ISM2: variants seen among roughly 807,000 people sequenced by gnomAD.
The protein encoded by ISM2 is isthmin 2.
In ISM2, 50 loss-of-function variants were observed where a neutral mutation model predicts 58.0. The ratio of observed to expected loss-of-function variants is 0.86; its 90% CI spans 0.69 to 1.09. ISM2 has a LOEUF of 1.09. Among genes scored for constraint, ISM2 ranks in the 50% least tolerant of loss-of-function variants. The pLI, the probability that ISM2 is intolerant of heterozygous loss-of-function variation, is 0.00. For missense variants in ISM2, 723 were observed against 745.0 expected (o/e 0.97, Z 0.34); for synonymous variants, 303 against 312.4 (o/e 0.97, Z 0.32).
At chr14:77,496,788 C>T (rs2079244054) in intron 1 of ISM2, among the ~76,000 whole-genome samples, 1 of 98,328 alleles carries the variant, frequency 1.0e-5, no homozygotes, top group Non-Finnish European at 1.8e-5. Flanking sequence ...CAGAGTGAGA[C>T]TCCATCTCAG....
chr14:77,498,609 G>A (rs1304647332), intron 1 of ISM2, 44 bp downstream of exon 1: 2 of 1,405,802 alleles, frequency 1.4e-6, no homozygotes, highest in Admixed American at 3.1e-5. Context: ...CTGGGGAGGT[G>A]GGACCGACAG....
At chr14:77,489,593 G>C (rs1430905718) in intron 1 of ISM2, among the ~76,000 whole-genome samples, 1 of 151,972 alleles carries the variant, frequency 6.6e-6, no homozygotes, top group African/African-American at 2.4e-5. Context: ...GCCCAGACTG[G>C]CCTCGATATT....
At chr14:77,490,739 G>A (rs907825629) in intron 1 of ISM2, among the ~76,000 whole-genome samples, 4 of 152,208 alleles carry the variant, frequency 2.6e-5, no homozygotes, top group South Asian at 2.1e-4. Context: ...TTTGATCCTC[G>A]TAACAACCTG....
intron 1 of ISM2, among the ~76,000 whole-genome samples, chr14:77,497,262 G>A (rs1049221909): frequency 6.6e-6 from 1 of 151,618 alleles, no homozygotes; most frequent in African/African-American, 2.4e-5. Context: ...CAGCTACTTG[G>A]GAGGCTGAGG....
intron 1 of ISM2, among the ~76,000 whole-genome samples, chr14:77,489,458 T>A (rs941285538): frequency 6.6e-6 from 1 of 152,198 alleles, no homozygotes; most frequent in South Asian, 2.1e-4. Context: ...ACAATAGCAA[T>A]TGACTCTTTA....
Position 77,482,442 on chromosome 14 carries a change from G to C in ISM2, c.853C>G (p.Gln285Glu), listed in dbSNP as rs751383657. 1.2e-6 allele frequency: 2 copies of C among 1,614,126 alleles called. No individual in the cohort carries two copies. Reference protein sequence around the residue: ...YPSEDIEGEDQEDKEEDEEEQ... With the variant: ...YPSEDIEGEDEEDKEEDEEEQ... ...TCCTCATCTTCCTCTTTGTCCTCTTGATCCTCACCCTCGATATCCTCTGAA... is the reference window on the plus strand; with the variant it reads ...TCCTCATCTTCCTCTTTGTCCTCTTCATCCTCACCCTCGATATCCTCTGAA... Residue 285 changes from glutamine to glutamate, a missense_variant, in exon 4 of 7, where the codon CAA (glutamine) becomes GAA (glutamate). Transcript: ENST00000342219.
chr14:77,478,264 A>G lies in ISM2; in HGVS notation c.1176T>C (p.Asn392=). 1 of 1,614,182 alleles carries G rather than the reference A, an allele frequency of 6.2e-7. No homozygotes were observed. Among genetic ancestry groups the G allele is most frequent in the Non-Finnish European group, 8.5e-7 (1 of 1,180,020 alleles). ...CACCTTGATCATGCATGTCCGTAGC[A>G]TTGCGGGCCAGGAGCTTCCACTCCT... ...PSEEWKLLAR[N]ATDMHDQDVD... is the part of the protein sequence containing the mutation. Residue 392 remains asparagine (N), a synonymous_variant, in exon 6 of 7, where the codon AAT becomes AAC. Coordinates refer to ENST00000342219, the MANE Select transcript of ISM2 (RefSeq NM_199296.3).
At chr14:77,495,217 G>C (rs1373668542) in intron 1 of ISM2, among the ~76,000 whole-genome samples, 1 of 152,058 alleles carries the variant, frequency 6.6e-6, no homozygotes, top group Non-Finnish European at 1.5e-5. Flanking sequence ...GAAATCATCC[G>C]AGGTGAGTCA....
At chr14:77,483,560 AAAG>A (rs951026609) in intron 3 of ISM2, among the ~76,000 whole-genome samples, 1 of 151,528 alleles carries the variant, frequency 6.6e-6, no homozygotes, top group African/African-American at 2.4e-5. Flanking sequence ...AAAAAAAAAA[AAAG>A]AAAGAAAAAA....
intron 1 of ISM2, among the ~76,000 whole-genome samples, chr14:77,486,885 C>T (rs2079171246): frequency 1.3e-5 from 2 of 151,396 alleles, no homozygotes; most frequent in South Asian, 4.2e-4. Context: ...ACATAGCCTG[C>T]AGTGCACAAG....
chr14:77,492,248 CTGCCAGGGAGGTGGTGGG>C (rs2079210048), intron 1 of ISM2, among the ~76,000 whole-genome samples: 2 of 152,194 alleles, frequency 1.3e-5, no homozygotes, highest in African/African-American at 4.8e-5. Flanking sequence ...CTTCCCTTGC[CTGCCAGGGAGGTGGTGGG>C]TGCCAGGTTT....
At chr14:77,482,945 G>A (rs1464265856) in intron 3 of ISM2, 4 of 341,630 alleles carry the variant, frequency 1.2e-5, no homozygotes, top group Admixed American at 4.7e-5. Flanking sequence ...CAGGTATGGC[G>A]GTTCTAACAC....
chr14:77,498,492 C>T (rs1429841630), intron 1 of ISM2, 161 bp downstream of exon 1: 4 of 1,225,226 alleles, frequency 3.3e-6, no homozygotes, highest in Non-Finnish European at 4.5e-6. Context: ...ACCTGGGCAA[C>T]GCCCGGTGTC....
Position 77,475,799 on chromosome 14 carries a change from G to T in ISM2, c.1512C>A (p.Gly504=). The T allele has an allele frequency of 6.2e-7, 1 of 1,613,336 alleles. No individual in the cohort carries two copies. The highest frequency in any genetic ancestry group is 8.5e-7 in the Non-Finnish European group (1 of 1,179,844). Residue 504 remains glycine (G), a synonymous_variant, in exon 7 of 7, where the codon GGC becomes GGA. Coordinates refer to ENST00000342219, the MANE Select transcript of ISM2 (RefSeq NM_199296.3). The surrounding 1 kb of genome is among the most constrained non-coding windows in gnomAD (Gnocchi z 4.1). ...YDEDSRLLTR[G]KGAGMPNLIS... ...TGAGGTTGGGCATGCCGGCGCCCTTGCCACGGGTCAGCAGCCGGCTGTCCT... is the reference window on the plus strand; with the variant it reads ...TGAGGTTGGGCATGCCGGCGCCCTTTCCACGGGTCAGCAGCCGGCTGTCCT...
At chr14:77,495,488 G>A (rs1294001918) in intron 1 of ISM2, among the ~76,000 whole-genome samples, 1 of 152,216 alleles carries the variant, frequency 6.6e-6, no homozygotes, top group East Asian at 1.9e-4. Context: ...TGCCAAGTGA[G>A]CAGAAACAAT....
At chr14:77,478,940 G>A (rs1389312982) in intron 4 of ISM2, among the ~76,000 whole-genome samples, 2 of 152,206 alleles carry the variant, frequency 1.3e-5, no homozygotes, top group Non-Finnish European at 2.9e-5. Flanking sequence ...TGAAAAGACA[G>A]TATAACGCCT....
At chr14:77,479,361 A>T (rs1409590201) in intron 4 of ISM2, among the ~76,000 whole-genome samples, 2 of 146,844 alleles carry the variant, frequency 1.4e-5, no homozygotes, top group Admixed American at 6.8e-5. Context: ...TGGAATTACA[A>T]GCATGCGCCA....
chr14:77,486,534 C>T (rs1324194952), intron 1 of ISM2, among the ~76,000 whole-genome samples: 3 of 152,224 alleles, frequency 2.0e-5, no homozygotes, highest in Non-Finnish European at 1.5e-5. Flanking sequence ...ATGAGGGAGG[C>T]CTGGAGCATC....
At position 77,484,239 on chromosome 14, in the gene ISM2, G is replaced by C. The variant is rs1203881744; in HGVS notation, c.627+84C>G. 11 of 1,526,986 alleles carry C rather than the reference G, an allele frequency of 7.2e-6. No homozygotes were observed. The East Asian group carries it at 2.2e-4, about 31-fold the overall frequency. The allele number at this position is 1,526,986 out of a possible 1,614,324, so 94.6% of individuals were successfully genotyped here. A position where few individuals can be genotyped will look rare whatever the true frequency, so the allele number is the denominator to read the frequency against. On this transcript the variant is annotated intron_variant, in intron 3 of 6. Coordinates refer to ENST00000342219, the MANE Select transcript of ISM2 (RefSeq NM_199296.3). Reference sequence around the variant, plus strand: ...CAGCCCCACCCTCCACGGAATCCAGGATATAGGGTATCCTGAGCCCACCTT... The same window carrying C: ...CAGCCCCACCCTCCACGGAATCCAGCATATAGGGTATCCTGAGCCCACCTT...
Sources: gnomAD v4.1 joint callset for allele counts (sites outside exome capture counted in the v4.1 genomes callset) on GRCh38, gnomAD v4.1.1 for gene constraint, Gnocchi (gnomAD v3.1) non-coding constraint, MANE v1.5 for transcripts, NCBI Gene and HGNC (gene_info 2026-07-23, HGNC 2026-07-21) for gene names.